C6: variants seen among roughly 807,000 people sequenced by gnomAD.
C6 encodes complement C6.
A neutral mutation model predicts 112.9 loss-of-function variants in C6; 101 were observed. That is an observed-to-expected ratio of 0.89 (90% CI 0.76 to 1.06). The LOEUF (loss-of-function observed/expected upper bound fraction) is 1.06, where lower values mean the gene tolerates loss of function less well. Ranked by LOEUF, C6 falls within the 50% of genes least tolerant of loss-of-function variation. The pLI, the probability that C6 is intolerant of heterozygous loss-of-function variation, is 0.00. For missense variants in C6, 1,202 were observed against 1,104.6 expected (o/e 1.09, Z -1.25); for synonymous variants, 431 against 384.1 (o/e 1.12, Z -1.43).
At chr5:41,258,686 T>A (rs765594521) in intron 1 of C6, among the ~76,000 whole-genome samples, 2 of 152,198 alleles carry the variant, frequency 1.3e-5, no homozygotes, top group Admixed American at 6.5e-5. Context: ...TATGAAGAAA[T>A]ACCTGAGACT....
intron 1 of C6, among the ~76,000 whole-genome samples, chr5:41,245,204 A>C (rs1740947461): frequency 6.6e-6 from 1 of 152,182 alleles, no homozygotes; most frequent in African/African-American, 2.4e-5. Flanking sequence ...TTTCTGAAAG[A>C]GTTCATGTAA....
At chr5:41,199,688 TA>T (rs1750862434) in intron 4 of C6, 79 bp downstream of exon 4, 2 of 1,342,940 alleles carry the variant, frequency 1.5e-6, no homozygotes, top group Non-Finnish European at 2.1e-6. Flanking sequence ...TGATGGATTC[TA>T]CTGTTAGTCA....
At chr5:41,206,676 A>T (rs903294462) in intron 1 of C6, among the ~76,000 whole-genome samples, 6 of 152,208 alleles carry the variant, frequency 3.9e-5, no homozygotes, top group African/African-American at 1.4e-4. Context: ...AGTTTAGAGA[A>T]AAAAGAGTAA....
chr5:41,254,682 A>G (rs1241039516), intron 1 of C6, among the ~76,000 whole-genome samples: 1 of 152,234 alleles, frequency 6.6e-6, no homozygotes, highest in African/African-American at 2.4e-5. Flanking sequence ...GTAAATGTTA[A>G]GTGATCCCTA....
rs201903172 is a variant in C6, at chr5:41,149,353, G to A, written c.2511C>T (p.Cys837=). 10 of 1,614,046 alleles carry A rather than the reference G, an allele frequency of 6.2e-6. No homozygotes were observed. The highest frequency in any genetic ancestry group is 8.5e-6 in the Non-Finnish European group (10 of 1,179,974). The change falls in exon 17 of 18, where the codon TGC becomes TGT. Residue 837 remains cysteine (C), a synonymous_variant. Coordinates refer to ENST00000337836, the MANE Select transcript of C6 (RefSeq NM_000065.5). ...QQLHFLHIGS[C]QDGRQLEWGL... ...CCCATTCTAACTGGCGGCCGTCTTGGCAGGAACCAATATGTAGAAAATGGA... is the reference window on the plus strand; with the variant it reads ...CCCATTCTAACTGGCGGCCGTCTTGACAGGAACCAATATGTAGAAAATGGA...
chr5:41,241,833 G>A (rs951057744), intron 1 of C6, among the ~76,000 whole-genome samples: 1 of 152,156 alleles, frequency 6.6e-6, no homozygotes, highest in Non-Finnish European at 1.5e-5. Flanking sequence ...TAGTACTTAG[G>A]TAGGACAGAA....
intron 5 of C6, among the ~76,000 whole-genome samples, chr5:41,187,033 A>C (rs1038985507): frequency 6.6e-6 from 1 of 152,176 alleles, no homozygotes; most frequent in Non-Finnish European, 1.5e-5. Flanking sequence ...TATTACATAG[A>C]TTATAAAAAT....
intron 5 of C6, among the ~76,000 whole-genome samples, chr5:41,186,670 G>T: frequency 1.3e-5 from 2 of 151,926 alleles, no homozygotes; most frequent in South Asian, 4.1e-4. Flanking sequence ...ACTAATAACT[G>T]ACTATAATAT....
At chr5:41,230,634 T>G (rs1281242241) in intron 1 of C6, among the ~76,000 whole-genome samples, 1 of 152,146 alleles carries the variant, frequency 6.6e-6, no homozygotes, top group Non-Finnish European at 1.5e-5. Flanking sequence ...AATTTTGCCT[T>G]TGCCTTTGTG....
intron 10 of C6, 51 bp from the exon 11 acceptor site, chr5:41,160,418 G>A (rs746270879): frequency 7.0e-7 from 1 of 1,419,028 alleles, no homozygotes; most frequent in South Asian, 1.1e-5. Flanking sequence ...TTTGGTAATA[G>A]GTTGCCATTA....
chr5:41,215,121 T>C (rs1752152797), upstream of C6, among the ~76,000 whole-genome samples: 1 of 152,118 alleles, frequency 6.6e-6, no homozygotes, highest in Non-Finnish European at 1.5e-5. Context: ...ATTGGTAAAC[T>C]AGCCTGATGC....
chr5:41,185,993 A>G (rs1580140961), intron 6 of C6, 77 bp downstream of exon 6: 2 of 1,547,368 alleles, frequency 1.3e-6, no homozygotes, highest in African/African-American at 1.4e-5. Flanking sequence ...CCCTTCATTC[A>G]TCACTAATTT....
At chr5:41,230,873 G>T (rs1277262579) in intron 1 of C6, among the ~76,000 whole-genome samples, 2 of 152,088 alleles carry the variant, frequency 1.3e-5, no homozygotes, top group African/African-American at 4.8e-5. Flanking sequence ...AAATAGAAAA[G>T]AACCTACATT....
chr5:41,259,043 T>C (rs528771107), intron 1 of C6, among the ~76,000 whole-genome samples: 157 of 152,258 alleles, frequency 1.0e-3, no homozygotes, highest in African/African-American at 3.6e-3. Flanking sequence ...CTAACATGTT[T>C]ATGGGTTTTA....
chr5:41,152,607 A>T (rs1310454157), intron 15 of C6: 1 of 152,190 alleles, frequency 6.6e-6, no homozygotes, highest in Non-Finnish European at 1.5e-5. Context: ...TAGGTTTCTT[A>T]TTCACAGTTG....
upstream of C6, among the ~76,000 whole-genome samples, chr5:41,218,169 G>C (rs889442657): frequency 6.6e-6 from 1 of 152,090 alleles, no homozygotes; most frequent in South Asian, 2.1e-4. Flanking sequence ...ATAGTAGTTG[G>C]ATAGGAAAGA....
chr5:41,240,978 C>T (rs1740671607), intron 1 of C6, among the ~76,000 whole-genome samples: 1 of 152,108 alleles, frequency 6.6e-6, no homozygotes, highest in Admixed American at 6.5e-5. Context: ...TGTGTGTGCA[C>T]CTGGGGTGAC....
rs574060793 is a variant in C6 at position 41,155,765 on chromosome 5, C to A, written c.1969-661G>T. On this transcript the variant is annotated intron_variant, in intron 13 of 17. Coordinates refer to ENST00000337836, the MANE Select transcript of C6 (RefSeq NM_000065.5). ...CAAAAAACAAACAAACAAACAAAAA[C>A]CCAAAACAAAAAAAAAATAGAAGAA... Among the ~76,000 whole-genome samples the A allele has an allele frequency of 8.6e-5, 13 of 150,846 alleles. No individual in the cohort carries two copies. The South Asian group carries it at 2.3e-3, about 27-fold the overall frequency.
intron 1 of C6, among the ~76,000 whole-genome samples, chr5:41,234,357 G>GTTTTTTTTTT (rs1214001006): frequency 2.4e-5 from 3 of 125,650 alleles, no homozygotes; most frequent in African/African-American, 1.1e-4. Flanking sequence ...TTTGTTTTTT[G>GTTTTTTTTTT]TTTTTTGTTT....
Sources: gnomAD v4.1 joint callset for allele counts (sites outside exome capture counted in the v4.1 genomes callset) on GRCh38, gnomAD v4.1.1 for gene constraint, MANE v1.5 for transcripts, NCBI Gene and HGNC (gene_info 2026-07-23, HGNC 2026-07-21) for gene names.